The following PTPRG variants were observed in gnomAD, a reference collection of about 807,000 sequenced individuals.
PTPRG encodes the protein protein tyrosine phosphatase receptor type G.
In PTPRG, 102 loss-of-function variants were observed where a neutral mutation model predicts 165.3. The observed-to-expected ratio is 0.62, with a 90% CI of 0.53 to 0.73. The LOEUF (loss-of-function observed/expected upper bound fraction) is 0.73. Ranked by LOEUF, PTPRG falls within the 30% of genes least tolerant of loss-of-function variation. The pLI is 0.00. For synonymous variants in PTPRG, 675 were observed against 669.5 expected (o/e 1.01, Z -0.13); for missense variants, 1,866 against 1,861.4 (o/e 1.00, Z -0.05).
chr3:62,039,454 G>A (rs1700058134), intron 4 of PTPRG, among the ~76,000 whole-genome samples: 1 of 152,120 alleles, frequency 6.6e-6, no homozygotes, highest in Non-Finnish European at 1.5e-5. Context: ...GTGGAAACAA[G>A]ATGAGTAATT....
chr3:62,069,643 C>A (rs1044549577), intron 4 of PTPRG, among the ~76,000 whole-genome samples: 1 of 6,474 alleles, frequency 1.5e-4, no homozygotes, highest in Non-Finnish European at 5.5e-4. Flanking sequence ...CGATGTCTCT[C>A]TCTCTCTCTC....
intron 1 of PTPRG, among the ~76,000 whole-genome samples, chr3:61,722,296 A>G (rs2106796756): frequency 6.6e-6 from 1 of 152,264 alleles, no homozygotes; most frequent in African/African-American, 2.4e-5. Flanking sequence ...CTCTCCCTTC[A>G]TAATCCATTC....
chr3:61,942,460 A>G (rs979435522), intron 2 of PTPRG, among the ~76,000 whole-genome samples: 2 of 152,106 alleles, frequency 1.3e-5, no homozygotes, highest in African/African-American at 4.8e-5. Context: ...CCCTTTTTTC[A>G]TTTTGTCTAT....
chr3:61,960,750 A>T (rs1018561597), intron 2 of PTPRG, among the ~76,000 whole-genome samples: 1 of 152,158 alleles, frequency 6.6e-6, no homozygotes, highest in Non-Finnish European at 1.5e-5. Flanking sequence ...TTTGTCATTA[A>T]GTAATTATAG....
chr3:61,734,751 T>A (rs569394014), intron 1 of PTPRG, among the ~76,000 whole-genome samples: 12 of 152,316 alleles, frequency 7.9e-5, no homozygotes, highest in African/African-American at 2.9e-4. Flanking sequence ...CTCCTTCCTA[T>A]CCCAAGTTTG....
chr3:62,175,731 G>A (rs1427017916), intron 8 of PTPRG, among the ~76,000 whole-genome samples: 1 of 152,162 alleles, frequency 6.6e-6, no homozygotes, highest in Non-Finnish European at 1.5e-5. Flanking sequence ...TGTCCCAAAG[G>A]GAATCAAATC....
At chr3:61,945,598 A>G (rs1559705410) in intron 2 of PTPRG, among the ~76,000 whole-genome samples, 2 of 151,642 alleles carry the variant, frequency 1.3e-5, no homozygotes, top group Admixed American at 6.6e-5. Context: ...AATGGAAAAA[A>G]CATAAATGGA....
intron 4 of PTPRG, among the ~76,000 whole-genome samples, chr3:62,043,073 G>C (rs1700179187): frequency 6.6e-6 from 1 of 152,154 alleles, no homozygotes; most frequent in African/African-American, 2.4e-5. Flanking sequence ...GGCTAAGTTG[G>C]GGTAAGTTCA....
At chr3:62,262,706 C>T in intron 16 of PTPRG, 92 bp from the exon 17 acceptor site, 1 of 773,932 alleles carries the variant, frequency 1.3e-6, no homozygotes. Context: ...TGGCTGTGGC[C>T]AGGGAGTGAG....
At chr3:62,013,099 A>G (rs1413523106) in intron 4 of PTPRG, among the ~76,000 whole-genome samples, 1 of 151,808 alleles carries the variant, frequency 6.6e-6, no homozygotes, top group Non-Finnish European at 1.5e-5. Context: ...ACAATAATAC[A>G]ACTTAAACAA....
chr3:62,043,792 C>G lies in PTPRG; in HGVS notation c.520-34371C>G, dbSNP rs540539018. Among the ~76,000 whole-genome samples the G allele has an allele frequency of 1.3e-3, 198 of 152,120 alleles. 1 individual carries two copies. The highest frequency in any genetic ancestry group is 1.6e-3 in the Non-Finnish European group (112 of 67,994). On this transcript the variant is annotated intron_variant, in intron 4 of 29. Coordinates refer to ENST00000474889, the MANE Select transcript of PTPRG (RefSeq NM_002841.4). ...AAACAGTAGAAAACACAACCCTTGT[C>G]TAAGGGGTGGTATAATCTAGTCAAT...
intron 3 of PTPRG, among the ~76,000 whole-genome samples, chr3:61,996,862 G>C (rs1289709091): frequency 6.6e-6 from 1 of 152,134 alleles, no homozygotes; most frequent in Non-Finnish European, 1.5e-5. Context: ...TGTGTTTCCT[G>C]TCTGCTAAGC....
At chr3:61,887,168 A>ATTTTTTTT (rs1209683592) in intron 2 of PTPRG, among the ~76,000 whole-genome samples, 3 of 107,108 alleles carry the variant, frequency 2.8e-5, no homozygotes, top group African/African-American at 1.0e-4. Flanking sequence ...ATATATATAT[A>ATTTTTTTT]TATTTTTAAT....
In PTPRG at chr3:61,916,316, C is replaced by T. The variant is rs77291018; in HGVS notation, c.191-73309C>T. On this transcript the variant is annotated intron_variant, in intron 2 of 29. Coordinates refer to ENST00000474889, the MANE Select transcript of PTPRG (RefSeq NM_002841.4). ...TAATGAAAATATAGTTTGATTCAGA[C>T]ATAGGGTGGTGTTGAAAATTATTTT... 3.4e-3 allele frequency among the ~76,000 whole-genome samples: 525 copies of T among 152,212 alleles called. 1 individual carries two copies. Among genetic ancestry groups the T allele is most frequent in the African/African-American group, 0.012 (511 of 41,530 alleles).
intron 4 of PTPRG, among the ~76,000 whole-genome samples, chr3:62,032,265 A>G (rs1425613734): frequency 6.6e-6 from 1 of 152,228 alleles, no homozygotes; most frequent in African/African-American, 2.4e-5. Context: ...CAAAAGTGCC[A>G]CCTATTCCCT....
rs1703085159 is a variant in PTPRG at position 62,297,048 on chromosome 3, C to T, written c.*3741C>T. On this transcript the variant is annotated 3_prime_UTR_variant, in exon 30 of 30. Transcript: ENST00000474889. ...CATTGTTTCTAAAGAATTCTGGCTTCACATTGACTCATGTTTCTTTCACTC... is the reference window on the plus strand; with the variant it reads ...CATTGTTTCTAAAGAATTCTGGCTTTACATTGACTCATGTTTCTTTCACTC... 1 of 152,038 alleles carries T rather than the reference C, an allele frequency of 6.6e-6. No individual in the cohort carries two copies. Among genetic ancestry groups the T allele is most frequent in the African/African-American group, 2.4e-5 (1 of 41,412 alleles). 9.4% of individuals were successfully genotyped at this position (152,038 alleles called of 1,614,324 possible).
rs1226085571 is a variant in PTPRG at position 62,295,420 on chromosome 3, A to AGTT, written c.*2114_*2116dup. On this transcript the variant is annotated 3_prime_UTR_variant, in exon 30 of 30. Coordinates refer to ENST00000474889, the MANE Select transcript of PTPRG (RefSeq NM_002841.4). ...GCTTGATGTTCAAAAGTAATGTTCG[A>AGTT]GTTAGGGTTCATGGTCCCTTTCTCA... The AGTT allele has an allele frequency of 1.3e-5, 2 of 152,046 alleles. No individual in the cohort carries two copies. The highest frequency in any genetic ancestry group is 3.9e-4 in the East Asian group (2 of 5,184). The allele number at this position is 152,046 out of a possible 1,614,324, so 9.4% of individuals were successfully genotyped here. A position where few individuals can be genotyped will look rare whatever the true frequency, so the allele number is the denominator to read the frequency against.
intron 2 of PTPRG, among the ~76,000 whole-genome samples, chr3:61,923,930 G>A (rs886534425): frequency 6.6e-6 from 1 of 152,014 alleles, no homozygotes; most frequent in Non-Finnish European, 1.5e-5. Flanking sequence ...ATTCATCTTC[G>A]AGAATAACTA....
intron 1 of PTPRG, among the ~76,000 whole-genome samples, chr3:61,594,233 AAG>A (rs1700640555): frequency 6.6e-6 from 1 of 151,898 alleles, no homozygotes; most frequent in South Asian, 2.1e-4. Flanking sequence ...TTTAAACACA[AAG>A]AGAGGATGAA....
Sources: gnomAD v4.1 joint callset for allele counts (sites outside exome capture counted in the v4.1 genomes callset) on GRCh38, gnomAD v4.1.1 for gene constraint, MANE v1.5 for transcripts, NCBI Gene and HGNC (gene_info 2026-07-23, HGNC 2026-07-21) for gene names.